Variants in KIAA0825 observed in about 807,000 individuals in gnomAD.
KIAA0825 encodes uncharacterized protein KIAA0825.
In KIAA0825, 119 loss-of-function variants were observed where a neutral mutation model predicts 147.6. The observed-to-expected ratio is 0.81, with a 90% CI of 0.69 to 0.94. KIAA0825 has a LOEUF of 0.94. KIAA0825 is among the 40% of genes least tolerant of loss of function. The pLI is 0.00. For missense variants in KIAA0825, 1,381 were observed against 1,472.7 expected (o/e 0.94, Z 1.02); for synonymous variants, 470 against 518.1 (o/e 0.91, Z 1.26).
intron 20 of KIAA0825, among the ~76,000 whole-genome samples, chr5:94,280,934 C>A (rs1051184344): frequency 6.6e-6 from 1 of 152,014 alleles, no homozygotes; most frequent in Non-Finnish European, 1.5e-5. Context: ...ATTTGGAAAT[C>A]ATACTAAATA....
chr5:94,592,641 A>C (rs1044082513), intron 1 of KIAA0825: 10 of 205,106 alleles, frequency 4.9e-5, no homozygotes, highest in Non-Finnish European at 8.8e-5. Flanking sequence ...TGTACATTGG[A>C]ATGGGTTTAC....
chr5:94,484,095 T>C (rs537095743), intron 6 of KIAA0825, among the ~76,000 whole-genome samples: 14 of 151,864 alleles, frequency 9.2e-5, no homozygotes, highest in Non-Finnish European at 3.0e-5. Context: ...ACCTTTAATG[T>C]TGGAAATATT....
chr5:94,546,312 T>A (rs2151405619), intron 2 of KIAA0825, among the ~76,000 whole-genome samples: 1 of 152,016 alleles, frequency 6.6e-6, no homozygotes, highest in Non-Finnish European at 1.5e-5. Context: ...GAAGGGAGGG[T>A]ACAAACCTCA....
At chr5:94,268,751 CCA>C (rs1352453626) in intron 20 of KIAA0825, among the ~76,000 whole-genome samples, 1 of 152,098 alleles carries the variant, frequency 6.6e-6, no homozygotes, top group African/African-American at 2.4e-5. Context: ...TAAATGGCAC[CCA>C]GTTTCTCACT....
chr5:94,465,000 G>A lies in KIAA0825; in HGVS notation c.1932C>T (p.Tyr644=), dbSNP rs761134452. The A allele has an allele frequency of 1.2e-4, 183 of 1,551,668 alleles. No individual in the cohort carries two copies. The South Asian group carries it at 1.3e-3, about 11-fold the overall frequency. ...TAGGAGGCAGAATGGTCCAGAGATCGTAATGAAGAGACCAGCAGAAATAAT... is the reference window on the plus strand; with the variant it reads ...TAGGAGGCAGAATGGTCCAGAGATCATAATGAAGAGACCAGCAGAAATAAT... ...MWHYFCWSLH[Y]DLWTILPPKL... The change falls in exon 11 of 21, where the codon TAC becomes TAT. Residue 644 remains tyrosine, a synonymous_variant. Transcript: ENST00000682413.
At chr5:94,182,247 CTTCTTTTTTTTTT>C (rs1769699620) in intron 20 of KIAA0825, among the ~76,000 whole-genome samples, 1 of 14,772 alleles carries the variant, frequency 6.8e-5, no homozygotes, top group South Asian at 3.4e-3. Context: ...TAAAATGTCC[CTTCTTTTTTTTTT>C]TTTTTTTTTT....
rs1562313743 is a variant in KIAA0825 at position 94,208,785 on chromosome 5, C to CAT, written c.3711-54663_3711-54662dup. On this transcript the variant is annotated intron_variant, in intron 20 of 20. Transcript: ENST00000682413. ...TTAGAGTGTTTGTGAACAAATGGAG[C>CAT]ATAGCTTGTCCAAGAGGGAGATGTG... Among the ~76,000 whole-genome samples, 3 of 152,174 alleles carry CAT rather than the reference C, an allele frequency of 2.0e-5. 1 individual carries two copies. Among genetic ancestry groups the CAT allele is most frequent in the Admixed American group, 1.3e-4 (2 of 15,276 alleles).
intron 6 of KIAA0825, among the ~76,000 whole-genome samples, chr5:94,478,847 T>C (rs186688559): frequency 4.6e-5 from 7 of 152,298 alleles, no homozygotes; most frequent in African/African-American, 9.6e-5. Context: ...AAAGTAAGTC[T>C]GCACAACAAA....
intron 20 of KIAA0825, among the ~76,000 whole-genome samples, chr5:94,366,833 A>G (rs1045471299): frequency 6.6e-6 from 1 of 152,182 alleles, no homozygotes; most frequent in Non-Finnish European, 1.5e-5. Context: ...CAGTACCCCA[A>G]ACAAAGGAGA....
At chr5:94,500,639 T>A (rs1014320180) in intron 5 of KIAA0825, among the ~76,000 whole-genome samples, 25 of 152,142 alleles carry the variant, frequency 1.6e-4, no homozygotes, top group African/African-American at 5.6e-4. Flanking sequence ...CATTTAGCTG[T>A]AGAAGTATGA....
At chr5:94,550,219 G>A (rs1775260950) in intron 2 of KIAA0825, among the ~76,000 whole-genome samples, 1 of 152,146 alleles carries the variant, frequency 6.6e-6, no homozygotes, top group Non-Finnish European at 1.5e-5. Flanking sequence ...CTGCACAGCT[G>A]GGAAACCAAT....
chr5:94,152,838 AAAAAAAAAAAAAAAAAATTATATATATAT>A lies in KIAA0825; in HGVS notation c.*1140_*1168del, dbSNP rs1766605680. 3.2e-5 allele frequency: 1 copy of A among 31,636 alleles called. No individual in the cohort carries two copies. Among genetic ancestry groups the A allele is most frequent in the Non-Finnish European group, 6.3e-5 (1 of 15,980 alleles). The allele number at this position is 31,636 out of a possible 1,614,324, so 2.0% of individuals were successfully genotyped here. On this transcript the variant is annotated 3_prime_UTR_variant, in exon 21 of 21. Coordinates refer to ENST00000682413, the MANE Select transcript of KIAA0825 (RefSeq NM_001145678.3). ...TCTAAAATGAAAAAAAAAAAAAAAA[AAAAAAAAAAAAAAAAAATTATATATATAT>A]ATATATATATATATATATATATATA...
At chr5:94,334,837 AT>A (rs1419219389) in intron 20 of KIAA0825, among the ~76,000 whole-genome samples, 1 of 152,148 alleles carries the variant, frequency 6.6e-6, no homozygotes, top group Non-Finnish European at 1.5e-5. Context: ...GTCACTCTCC[AT>A]TTGGTGAGAT....
intron 1 of KIAA0825, among the ~76,000 whole-genome samples, chr5:94,612,129 C>T (rs536604018): frequency 1.3e-5 from 2 of 152,018 alleles, no homozygotes; most frequent in South Asian, 2.1e-4. Flanking sequence ...CTAACAAAAC[C>T]GTATTATAAA....
chr5:94,423,342 T>G (rs755507522), intron 14 of KIAA0825, among the ~76,000 whole-genome samples: 153 of 152,324 alleles, frequency 1.0e-3, no homozygotes, highest in Non-Finnish European at 4.6e-4. Context: ...AAATGTTTTA[T>G]AGATTATACA....
At chr5:94,313,336 A>G (rs1006959120) in intron 20 of KIAA0825, among the ~76,000 whole-genome samples, 2 of 151,652 alleles carry the variant, frequency 1.3e-5, no homozygotes, top group Admixed American at 6.6e-5. Flanking sequence ...ACGGCTCGAT[A>G]TGAATAAATT....
intron 20 of KIAA0825, among the ~76,000 whole-genome samples, chr5:94,189,819 T>C (rs2149997626): frequency 6.6e-6 from 1 of 152,286 alleles, no homozygotes; most frequent in East Asian, 1.9e-4. Flanking sequence ...TTGTTTGAAT[T>C]TTAATTGGGA....
intron 20 of KIAA0825, among the ~76,000 whole-genome samples, chr5:94,272,658 A>G (rs1562344080): frequency 1.3e-5 from 2 of 152,214 alleles, no homozygotes; most frequent in Non-Finnish European, 2.9e-5. Flanking sequence ...TCTGTCTTCA[A>G]TGAGATCAAG....
intron 18 of KIAA0825, among the ~76,000 whole-genome samples, chr5:94,390,401 G>T (rs1749743277): frequency 6.6e-6 from 1 of 152,184 alleles, no homozygotes; most frequent in South Asian, 2.1e-4. Context: ...TGCAATAGAG[G>T]TCTTTCAGTT....
Sources: gnomAD v4.1 joint callset for allele counts (sites outside exome capture counted in the v4.1 genomes callset) on GRCh38, gnomAD v4.1.1 for gene constraint, MANE v1.5 for transcripts, NCBI Gene and HGNC (gene_info 2026-07-23, HGNC 2026-07-21) for gene names.